The following RRM1 variants were observed in gnomAD, a reference collection of about 807,000 sequenced individuals.
RRM1 encodes ribonucleotide reductase catalytic subunit M1, also known as ribonucleoside-diphosphate reductase large subunit.
A neutral mutation model predicts 101.5 loss-of-function variants in RRM1; 19 were observed. That is an observed-to-expected ratio of 0.19 (90% CI 0.13 to 0.27). The LOEUF is 0.27. Ranked by LOEUF, RRM1 falls within the 10% of genes least tolerant of loss-of-function variation. RRM1 has a pLI of 1.00. For synonymous variants in RRM1, 298 were observed against 323.4 expected, an observed-to-expected ratio of 0.92 and a Z score of 0.84; for missense variants, 500 against 962.9, an observed-to-expected ratio of 0.52 and a Z score of 6.36.
In RRM1 at chr11:4,135,764, C is replaced by A. The variant is rs191430359; in HGVS notation, c.2190+494C>A. 2.0e-5 allele frequency among the ~76,000 whole-genome samples: 3 copies of A among 152,010 alleles called. No individual in the cohort carries two copies. In the South Asian group the frequency reaches 6.3e-4, roughly 32 times the overall value. ...GTGAAAGCCAGCTTACTTAGCTAGTCGTTGCCAGCTGTAAAGTCTGGTGAT... is the reference window on the plus strand; with the variant it reads ...GTGAAAGCCAGCTTACTTAGCTAGTAGTTGCCAGCTGTAAAGTCTGGTGAT... On this transcript the variant is annotated intron_variant, in intron 18 of 18. Coordinates refer to ENST00000300738, the MANE Select transcript of RRM1 (RefSeq NM_001033.5).
intron 4 of RRM1, among the ~76,000 whole-genome samples, chr11:4,107,839 T>TAAAC (rs1235412025): frequency 2.0e-5 from 3 of 152,228 alleles, no homozygotes; most frequent in Non-Finnish European, 2.9e-5. Context: ...ATATCTTGTT[T>TAAAC]GTTCTATATC....
intron 15 of RRM1, 116 bp downstream of exon 15, chr11:4,129,266 G>T (rs1210302260): frequency 8.8e-6 from 5 of 568,152 alleles, no homozygotes; most frequent in Admixed American, 3.4e-5. Flanking sequence ...TACAAATGGG[G>T]CTAAAATGGC....
chr11:4,111,468 T>A, intron 5 of RRM1, 133 bp from the exon 6 acceptor site: 1 of 494,662 alleles, frequency 2.0e-6, no homozygotes, highest in Non-Finnish European at 3.6e-6. Flanking sequence ...GAAGAGTAAA[T>A]GTGCTATTCT....
chr11:4,126,843 G>T lies in RRM1; in HGVS notation c.1470+10G>T, dbSNP rs2094590387. On this transcript the variant is annotated intron_variant, in intron 13 of 18. Transcript: ENST00000300738. ...CTATCCTGTACCAGAGGTATGAATA[G>T]ATTTCTCTGCTTATTGGTAATTATT... 1 of 1,592,582 alleles carries T rather than the reference G, an allele frequency of 6.3e-7. No homozygotes were observed. Among genetic ancestry groups the T allele is most frequent in the Non-Finnish European group, 8.6e-7 (1 of 1,166,490 alleles).
intron 9 of RRM1, among the ~76,000 whole-genome samples, chr11:4,120,942 C>T (rs2056853): frequency 0.37 from 56,890 of 152,062 alleles, 10,810 homozygotes; most frequent in South Asian, 0.46. Context: ...TGGCTTGAGC[C>T]CGGTAGGCAG....
Position 4,101,559 on chromosome 11 carries a change from A to ACCC in RRM1, c.20-427_20-425dup, listed in dbSNP as rs1210051127. Among the ~76,000 whole-genome samples the ACCC allele has an allele frequency of 5.8e-4, 61 of 105,912 alleles. 4 individuals are homozygous for ACCC. Among genetic ancestry groups the ACCC allele is most frequent in the African/African-American group, 2.4e-3 (54 of 22,818 alleles). The allele number at this position is 105,912 out of a possible 152,430, so 69.5% of individuals were successfully genotyped here. A position where few individuals can be genotyped will look rare whatever the true frequency, so the allele number is the denominator to read the frequency against. ...GAACTCCTGACCTCCAGTGATCCAC[A>ACCC]CCCCCCCCCGCTCCCTTGGCCTCCC... On this transcript the variant is annotated intron_variant, in intron 1 of 18. Coordinates refer to ENST00000300738, the MANE Select transcript of RRM1 (RefSeq NM_001033.5).
chr11:4,137,472 C>T (rs11031089), intron 18 of RRM1, among the ~76,000 whole-genome samples: 75,225 of 88,762 alleles, frequency 0.85, 32,162 homozygotes, highest in Non-Finnish European at 0.91. Context: ...CCCTCCCGGA[C>T]GGGGCGGCTG....
chr11:4,136,640 C>G (rs1422223359), intron 18 of RRM1, among the ~76,000 whole-genome samples: 1 of 152,080 alleles, frequency 6.6e-6, no homozygotes, highest in Non-Finnish European at 1.5e-5. Flanking sequence ...TCACTGCAAC[C>G]TCAGCCTCCT....
chr11:4,112,979 A>G (rs1318595222), intron 7 of RRM1, among the ~76,000 whole-genome samples: 2 of 152,154 alleles, frequency 1.3e-5, no homozygotes, highest in Admixed American at 1.3e-4. Context: ...ATAAAAATAT[A>G]TATAAAAGAT....
Position 4,127,209 on chromosome 11 carries a change from G to A in RRM1, c.1645G>A (p.Glu549Lys), listed in dbSNP as rs1565188360. The A allele has an allele frequency of 6.2e-7, 1 of 1,611,322 alleles. No homozygotes were observed. The highest frequency in any genetic ancestry group is 8.5e-7 in the Non-Finnish European group (1 of 1,179,218). ...GGAAGCCAGCTGTGACCTTGCCAAG[G>A]AGCAGGGCCCATACGAAACCTATGA... ...ALEASCDLAK[E>K]QGPYETYEGS... Residue 549 changes from glutamate to lysine, a missense_variant, in exon 14 of 19, where the codon GAG (glutamate) becomes AAG (lysine). By Grantham distance (56) the Glu-to-Lys change is moderately conservative. This residue lies in a region of RRM1 where 106 missense variants were observed against 138.1 expected (regional missense o/e 0.77). Coordinates refer to ENST00000300738, the MANE Select transcript of RRM1 (RefSeq NM_001033.5).
At chr11:4,101,564 C>CCCCCCA (rs1554973354) in intron 1 of RRM1, among the ~76,000 whole-genome samples, 1 of 114,778 alleles carries the variant, frequency 8.7e-6, no homozygotes, top group Non-Finnish European at 1.8e-5. Context: ...TCCACACCCC[C>CCCCCCA]CCCCGCTCCC....
At chr11:4,101,502 C>T (rs1281464055) in intron 1 of RRM1, among the ~76,000 whole-genome samples, 7 of 137,162 alleles carry the variant, frequency 5.1e-5, no homozygotes, top group Admixed American at 4.8e-4. Flanking sequence ...TTAGTAGAGA[C>T]GGGGTTTCAC....
At chr11:4,104,473 T>C (rs900905591) in intron 2 of RRM1, among the ~76,000 whole-genome samples, 17 of 152,354 alleles carry the variant, frequency 1.1e-4, no homozygotes, top group Non-Finnish European at 1.9e-4. Flanking sequence ...AATTTGTTTT[T>C]CTTAAAAATG....
chr11:4,109,572 G>A lies in RRM1; in HGVS notation c.388-72G>A, dbSNP rs112873721. 7.2e-6 allele frequency: 9 copies of A among 1,242,030 alleles called. No homozygotes were observed. In the African/African-American group the frequency reaches 1.2e-4, roughly 17 times the overall value. The allele number at this position is 1,242,030 out of a possible 1,614,324, so 76.9% of individuals were successfully genotyped here. A position where few individuals can be genotyped will look rare whatever the true frequency, so the allele number is the denominator to read the frequency against. ...TGATTTTAGTTCTGGAGTCAGGGCCGAGAGATAAGAGATTTTGTGAAAATA... is the reference window on the plus strand; with the variant it reads ...TGATTTTAGTTCTGGAGTCAGGGCCAAGAGATAAGAGATTTTGTGAAAATA... On this transcript the variant is annotated intron_variant, in intron 4 of 18. Transcript: ENST00000300738.
rs2094544480 is a variant in RRM1 at position 4,097,018 on chromosome 11, C to T, written c.19+1987C>T. On this transcript the variant is annotated intron_variant, in intron 1 of 18. Transcript: ENST00000300738. ...GGCCTGGCGTGGCAGGGCATGGTGG[C>T]TCACGCCTGTAATCCCAGCACTTTG... Among the ~76,000 whole-genome samples the T allele has an allele frequency of 1.3e-5, 2 of 151,734 alleles. 1 individual carries two copies. Among genetic ancestry groups the T allele is most frequent in the South Asian group, 4.2e-4 (2 of 4,818 alleles).
At chr11:4,118,011 G>C (rs1455425090) in intron 7 of RRM1, among the ~76,000 whole-genome samples, 5 of 152,178 alleles carry the variant, frequency 3.3e-5, no homozygotes, top group Non-Finnish European at 7.4e-5. Flanking sequence ...ATGAGAAAAT[G>C]TGAAAATAGC....
intron 7 of RRM1, among the ~76,000 whole-genome samples, 154 bp downstream of exon 7, chr11:4,112,216 ATGAAT>A (rs2094566564): frequency 6.6e-6 from 1 of 152,228 alleles, no homozygotes; most frequent in Non-Finnish European, 1.5e-5. Context: ...AATGTGGTAA[ATGAAT>A]TGGAGAAAAG....
At chr11:4,129,962 G>A (rs1328962473) in intron 15 of RRM1, among the ~76,000 whole-genome samples, 2 of 150,196 alleles carry the variant, frequency 1.3e-5, no homozygotes, top group Non-Finnish European at 3.0e-5. Context: ...GAAAACCTGT[G>A]TGCATCTTAG....
intron 2 of RRM1, among the ~76,000 whole-genome samples, chr11:4,105,251 G>T (rs1180136613): frequency 2.0e-5 from 3 of 152,136 alleles, no homozygotes; most frequent in African/African-American, 7.2e-5. Flanking sequence ...GTTTGAGACA[G>T]GGTCTCATTG....
Sources: gnomAD v4.1 joint callset for allele counts (sites outside exome capture counted in the v4.1 genomes callset) on GRCh38, gnomAD v4.1.1 for gene constraint, gnomAD v4.1.1 regional missense constraint, MANE v1.5 for transcripts, NCBI Gene and HGNC (gene_info 2026-07-23, HGNC 2026-07-21) for gene names.